COP1: variants seen among roughly 807,000 people sequenced by gnomAD.
COP1 encodes the protein E3 ubiquitin-protein ligase COP1.
In COP1, 24 loss-of-function variants were observed where a neutral mutation model predicts 101.3. The observed-to-expected ratio is 0.24, with a 90% CI of 0.17 to 0.33. COP1 has a LOEUF of 0.33. Ranked by LOEUF, COP1 falls within the 10% of genes least tolerant of loss-of-function variation. The pLI, the probability that COP1 is intolerant of heterozygous loss-of-function variation, is 1.00. For synonymous variants in COP1, 347 were observed against 341.9 expected (o/e 1.01, Z -0.17); for missense variants, 663 against 906.2 (o/e 0.73, Z 3.45).
intron 14 of COP1, among the ~76,000 whole-genome samples, chr1:176,036,826 A>G (rs1669632598): frequency 6.6e-6 from 1 of 152,194 alleles, no homozygotes; most frequent in Non-Finnish European, 1.5e-5. Flanking sequence ...CTACGATTAG[A>G]AGTATTAAAT....
chr1:176,065,561 T>A (rs1387043506), intron 11 of COP1, among the ~76,000 whole-genome samples: 1 of 152,174 alleles, frequency 6.6e-6, no homozygotes, highest in Non-Finnish European at 1.5e-5. Flanking sequence ...GCCATAAAAA[T>A]TCTTTTGAGC....
intron 18 of COP1, among the ~76,000 whole-genome samples, chr1:175,960,403 G>T (rs1359625868): frequency 6.6e-6 from 1 of 152,168 alleles, no homozygotes; most frequent in Non-Finnish European, 1.5e-5. Flanking sequence ...ATACATAAGT[G>T]CCTGGCATAA....
In COP1 at chr1:176,206,919, C is replaced by A; in HGVS notation, c.60G>T (p.Ala20=). Reference sequence around the variant, plus strand: ...AGGAGGCGGAAGTCACCGAGGAGGCCGCCGAGGACCCGGGGCTTGTCCCAG... The same window carrying A: ...AGGAGGCGGAAGTCACCGAGGAGGCAGCCGAGGACCCGGGGCTTGTCCCAG... ...GSAGTSPGSS[A]ASSVTSASSS... The change falls in exon 1 of 20, where the codon GCG becomes GCT. Residue 20 remains alanine, a synonymous_variant. Transcript: ENST00000367669. 1 of 1,463,412 alleles carries A rather than the reference C, an allele frequency of 6.8e-7. No individual in the cohort carries two copies. Among genetic ancestry groups the A allele is most frequent in the South Asian group, 1.3e-5 (1 of 77,040 alleles). 90.7% of individuals were successfully genotyped at this position (1,463,412 alleles called of 1,614,324 possible).
At chr1:176,193,920 G>A (rs1399268893) in intron 1 of COP1, among the ~76,000 whole-genome samples, 3 of 152,206 alleles carry the variant, frequency 2.0e-5, no homozygotes, top group South Asian at 4.1e-4. Flanking sequence ...ACTTTAAAAC[G>A]GCGTATTTCA....
chr1:176,012,974 C>T (rs1664952323), intron 15 of COP1, among the ~76,000 whole-genome samples: 1 of 152,152 alleles, frequency 6.6e-6, no homozygotes, highest in Non-Finnish European at 1.5e-5. Context: ...GAACTGGTTT[C>T]AAATCCCCAT....
chr1:175,984,111 C>T (rs755428138), intron 18 of COP1, among the ~76,000 whole-genome samples: 2 of 152,116 alleles, frequency 1.3e-5, no homozygotes, highest in African/African-American at 2.4e-5. Context: ...AATGTTAATC[C>T]CCAAGACCAC....
chr1:176,111,439 G>A (rs1408432010), intron 9 of COP1, among the ~76,000 whole-genome samples: 2 of 151,850 alleles, frequency 1.3e-5, no homozygotes, highest in African/African-American at 4.8e-5. Context: ...GACTACAGGT[G>A]CGCACCACCA....
intron 5 of COP1, among the ~76,000 whole-genome samples, chr1:176,156,996 G>A (rs1382487573): frequency 6.6e-6 from 1 of 152,014 alleles, no homozygotes; most frequent in Non-Finnish European, 1.5e-5. Context: ...CCAGGAGTTC[G>A]AGACCAGCCT....
At chr1:176,074,225 C>A (rs1033902498) in intron 11 of COP1, among the ~76,000 whole-genome samples, 3 of 152,160 alleles carry the variant, frequency 2.0e-5, no homozygotes, top group African/African-American at 7.2e-5. Context: ...CCTCACCTGG[C>A]CTCTTTATTC....
chr1:176,036,074 T>C (rs373907202), intron 14 of COP1, among the ~76,000 whole-genome samples: 6 of 152,160 alleles, frequency 3.9e-5, no homozygotes, highest in African/African-American at 1.2e-4. Context: ...AAAGCAAATA[T>C]ACTAGTCATG....
chr1:176,167,732 C>T (rs886661574), intron 3 of COP1, among the ~76,000 whole-genome samples: 1 of 152,200 alleles, frequency 6.6e-6, no homozygotes, highest in Non-Finnish European at 1.5e-5. Context: ...AGTAAAAGCA[C>T]AGATGCTTGA....
At chr1:176,159,521 A>T (rs1285835602) in intron 5 of COP1, among the ~76,000 whole-genome samples, 1 of 152,220 alleles carries the variant, frequency 6.6e-6, no homozygotes, top group Non-Finnish European at 1.5e-5. Flanking sequence ...GGAGAAAGGT[A>T]TACTAAATGT....
intron 11 of COP1, among the ~76,000 whole-genome samples, chr1:176,057,082 AC>A (rs1454757282): frequency 6.6e-6 from 1 of 152,212 alleles, no homozygotes; most frequent in African/African-American, 2.4e-5. Flanking sequence ...AATCCATTTT[AC>A]ATAGAAAGAC....
intron 15 of COP1, among the ~76,000 whole-genome samples, chr1:175,994,042 T>G (rs1007114808): frequency 6.6e-6 from 1 of 152,144 alleles, no homozygotes; most frequent in Non-Finnish European, 1.5e-5. Context: ...TAAGAGGGGA[T>G]CTCTGGGCAG....
At chr1:176,169,368 C>T (rs954397979) in intron 3 of COP1, among the ~76,000 whole-genome samples, 1 of 152,040 alleles carries the variant, frequency 6.6e-6, no homozygotes, top group Non-Finnish European at 1.5e-5. Flanking sequence ...TAAATAACAA[C>T]ATAGGAAACA....
At chr1:176,148,149 C>T (rs1187986496) in intron 6 of COP1, among the ~76,000 whole-genome samples, 1 of 151,580 alleles carries the variant, frequency 6.6e-6, no homozygotes, top group Non-Finnish European at 1.5e-5. Flanking sequence ...ATATTAAAAT[C>T]ACAACTAAAT....
chr1:176,123,731 C>T (rs1431521245), intron 8 of COP1, among the ~76,000 whole-genome samples: 1 of 152,094 alleles, frequency 6.6e-6, no homozygotes, highest in East Asian at 1.9e-4. Flanking sequence ...TTTACCCCCA[C>T]CCTGCACAAA....
intron 11 of COP1, among the ~76,000 whole-genome samples, 187 bp from the exon 12 acceptor site, chr1:176,046,511 T>C (rs921937806): frequency 6.6e-6 from 1 of 151,920 alleles, no homozygotes; most frequent in African/African-American, 2.4e-5. Flanking sequence ...ATATAAAACT[T>C]TTAATATATA....
At chr1:176,088,442 A>T (rs1403015141) in intron 9 of COP1, among the ~76,000 whole-genome samples, 2 of 152,186 alleles carry the variant, frequency 1.3e-5, no homozygotes, top group South Asian at 4.1e-4. Flanking sequence ...TGAATTTGAA[A>T]GGAGCATAAG....
Sources: allele counts gnomAD v4.1 joint callset (sites outside exome capture counted in the v4.1 genomes callset), GRCh38; gene constraint gnomAD v4.1.1; transcripts MANE v1.5; gene names NCBI Gene and HGNC (gene_info 2026-07-23, HGNC 2026-07-21).